NCOA3: variants seen among roughly 807,000 people sequenced by gnomAD.
NCOA3 encodes CBP-interacting protein.
A neutral mutation model predicts 158.8 loss-of-function variants in NCOA3; 51 were observed. That is an observed-to-expected ratio of 0.32 (90% CI 0.26 to 0.41). The LOEUF (loss-of-function observed/expected upper bound fraction) is 0.41, where lower values mean the gene tolerates loss of function less well. NCOA3 is among the 10% of genes least tolerant of loss of function. The pLI is 1.00. For missense variants in NCOA3, 1,510 were observed against 1,746.6 expected, an observed-to-expected ratio of 0.86 and a Z score of 2.41; for synonymous variants, 537 against 592.4, an observed-to-expected ratio of 0.91 and a Z score of 1.36.
chr20:47,626,513 A>G (rs1357901842), intron 5 of NCOA3, among the ~76,000 whole-genome samples: 5 of 118,224 alleles, frequency 4.2e-5, no homozygotes, highest in African/African-American at 1.7e-4. Flanking sequence ...TTTTCCCCCC[A>G]GTAAGGCCTG....
At chr20:47,522,509 G>T (rs1343087216) in intron 1 of NCOA3, among the ~76,000 whole-genome samples, 1 of 151,512 alleles carries the variant, frequency 6.6e-6, no homozygotes, top group Non-Finnish European at 1.5e-5. Context: ...AAGGAGGGGG[G>T]CTCCAAAACC....
chr20:47,592,953 GAC>G (rs1340690715), intron 2 of NCOA3, among the ~76,000 whole-genome samples: 1 of 152,060 alleles, frequency 6.6e-6, no homozygotes, highest in Non-Finnish European at 1.5e-5. Context: ...GTTTTTTTGA[GAC>G]AGAGTTTTGC....
At chr20:47,516,152 C>G (rs181207132) in intron 1 of NCOA3, among the ~76,000 whole-genome samples, 1 of 152,054 alleles carries the variant, frequency 6.6e-6, no homozygotes, top group African/African-American at 2.4e-5. Flanking sequence ...ATAAAATGCA[C>G]GATACCAGGA....
At chr20:47,652,327 A>AC in intron 20 of NCOA3, 79 bp from the exon 21 acceptor site, 2 of 1,374,024 alleles carry the variant, frequency 1.5e-6, no homozygotes, top group Admixed American at 4.3e-5. Context: ...TAAAAAAAAA[A>AC]CAAAATTACT....
chr20:47,555,794 A>T (rs1313657504), intron 1 of NCOA3, among the ~76,000 whole-genome samples: 2 of 150,626 alleles, frequency 1.3e-5, no homozygotes, highest in African/African-American at 4.9e-5. Context: ...GCCTGCCACC[A>T]TGCCCGGCTG....
intron 1 of NCOA3, among the ~76,000 whole-genome samples, chr20:47,577,715 A>AT (rs2085393231): frequency 6.6e-6 from 1 of 152,236 alleles, no homozygotes; most frequent in African/African-American, 2.4e-5. Flanking sequence ...CACAGCAAGC[A>AT]TTTAATTGAA....
chr20:47,616,385 G>A (rs1047930294), intron 2 of NCOA3, among the ~76,000 whole-genome samples: 7 of 151,608 alleles, frequency 4.6e-5, no homozygotes, highest in Non-Finnish European at 7.4e-5. Context: ...TAGAGATGGG[G>A]TTTCACCATG....
chr20:47,617,146 G>T (rs1025415420), intron 2 of NCOA3, among the ~76,000 whole-genome samples: 15 of 152,226 alleles, frequency 9.9e-5, no homozygotes, highest in African/African-American at 3.6e-4. Context: ...AGTAGAGATA[G>T]GGTTTCACCA....
rs71183262 is a variant in NCOA3, at chr20:47,542,009, G to GTTTTTTTGTTTTTTTTTTTTTTTTT, written c.-99+39997_-99+39998insGTTTTTTTTTTTTTTTTTTTTTTTT. ...ATCAAATTATTTTTTGCCCTGTAGA[G>GTTTTTTTGTTTTTTTTTTTTTTTTT]TTTTTTTTTTTTTTTTTTTTTGTTG... is the stretch of plus-strand genomic sequence containing the variant. On this transcript the variant is annotated intron_variant, in intron 1 of 22. Transcript: ENST00000371998. Among the ~76,000 whole-genome samples, 66 of 56,348 alleles carry GTTTTTTTGTTTTTTTTTTTTTTTTT rather than the reference G, an allele frequency of 1.2e-3. 4 individuals carry two copies. The highest frequency in any genetic ancestry group is 1.7e-3 in the Non-Finnish European group (50 of 28,692). 37.0% of individuals were successfully genotyped at this position (56,348 alleles called of 152,430 possible).
intron 2 of NCOA3, among the ~76,000 whole-genome samples, chr20:47,617,340 T>C (rs977724544): frequency 1.3e-5 from 2 of 152,236 alleles, no homozygotes; most frequent in African/African-American, 4.8e-5. Flanking sequence ...CAACTACATA[T>C]ATTCTCCAAA....
At position 47,653,341 on chromosome 20, in the gene NCOA3, T is replaced by C. The variant is rs75822570; in HGVS notation, c.4264-65T>C. ...CATGAATGTGGACATGGGTATTTTT[T>C]TGTTGTGCAAAGCATGTGTTTTACT... On this transcript the variant is annotated intron_variant, in intron 22 of 22. Coordinates refer to ENST00000371998, the MANE Select transcript of NCOA3 (RefSeq NM_181659.3). 1.5e-3 allele frequency: 2,414 copies of C among 1,568,578 alleles called. 31 individuals are homozygous for C. The African/African-American group carries it at 0.027, about 17-fold the overall frequency.
At chr20:47,594,713 C>CATGAT (rs1302742381) in intron 2 of NCOA3, among the ~76,000 whole-genome samples, 6 of 131,852 alleles carry the variant, frequency 4.6e-5, no homozygotes, top group Non-Finnish European at 6.3e-5. Context: ...TGAAAGTCTT[C>CATGAT]ATGATATTGC....
intron 1 of NCOA3, among the ~76,000 whole-genome samples, chr20:47,516,068 C>G (rs761956839): frequency 3.9e-5 from 6 of 152,124 alleles, no homozygotes; most frequent in African/African-American, 9.7e-5. Context: ...GCACAGTACT[C>G]AGGGTAGTGA....
intron 1 of NCOA3, among the ~76,000 whole-genome samples, chr20:47,545,468 C>T (rs537191735): frequency 1.3e-5 from 2 of 152,060 alleles, no homozygotes; most frequent in East Asian, 3.9e-4. Context: ...TGAGCCACTG[C>T]GCCTGGCCTT....
intron 4 of NCOA3, among the ~76,000 whole-genome samples, 192 bp downstream of exon 4, chr20:47,624,275 T>G (rs184444607): frequency 6.6e-6 from 1 of 152,220 alleles, no homozygotes; most frequent in Non-Finnish European, 1.5e-5. Context: ...ATGAAATAAT[T>G]ATACAACTCA....
At chr20:47,632,871 T>C (rs2086444547) in intron 8 of NCOA3, among the ~76,000 whole-genome samples, 2 of 151,924 alleles carry the variant, frequency 1.3e-5, no homozygotes, top group Middle Eastern at 3.4e-3. Context: ...TTACTAGAGA[T>C]GGGGTTTCAC....
intron 4 of NCOA3, among the ~76,000 whole-genome samples, chr20:47,624,832 G>T (rs560223286): frequency 1.3e-5 from 2 of 152,148 alleles, no homozygotes; most frequent in African/African-American, 2.4e-5. Flanking sequence ...GAGTGCAGTG[G>T]TGTGATCTCA....
rs267605972 is a variant in NCOA3, at chr20:47,627,711, C to T, written c.683C>T (p.Ala228Val). The T allele has an allele frequency of 1.9e-6, 3 of 1,614,044 alleles. No individual in the cohort carries two copies. The highest frequency in any genetic ancestry group is 2.5e-6 in the Non-Finnish European group (3 of 1,180,006). Residue 228 changes from alanine to valine, a missense_variant, in exon 7 of 23, where the codon GCC becomes GTC. Around this residue, in one of 4 missense-constraint regions of NCOA3, gnomAD observed 309 missense variants for 427.1 expected, o/e 0.72. Coordinates refer to ENST00000371998, the MANE Select transcript of NCOA3 (RefSeq NM_181659.3). The part of the protein sequence containing the change: ...RQRYETMQCF[A>V]LSQPRAMMEE... Reference sequence around the variant, plus strand: ...AGATATGAAACAATGCAGTGCTTTGCCCTGTCTCAGCCACGAGCTATGATG... The same window carrying T: ...AGATATGAAACAATGCAGTGCTTTGTCCTGTCTCAGCCACGAGCTATGATG...
intron 1 of NCOA3, among the ~76,000 whole-genome samples, chr20:47,550,540 CTGAT>C (rs2084913142): frequency 6.6e-6 from 1 of 151,190 alleles, no homozygotes; most frequent in African/African-American, 2.4e-5. Flanking sequence ...CTCTCAATGA[CTGAT>C]TAACAAACGA....
Sources: gnomAD v4.1 joint callset for allele counts (sites outside exome capture counted in the v4.1 genomes callset) on GRCh38, gnomAD v4.1.1 for gene constraint, gnomAD v4.1.1 regional missense constraint, MANE v1.5 for transcripts, NCBI Gene and HGNC (gene_info 2026-07-23, HGNC 2026-07-21) for gene names.